Variants in FAM20A observed in about 807,000 individuals in gnomAD.
FAM20A encodes pseudokinase FAM20A.
Under a neutral mutation model 52.0 loss-of-function variants are expected in FAM20A, and 42 were observed. That is an observed-to-expected ratio of 0.81 (90% CI 0.63 to 1.04). The LOEUF is 1.04. FAM20A is among the 50% of genes least tolerant of loss of function. The pLI is 0.00. For synonymous variants in FAM20A, 304 were observed against 298.9 expected (o/e 1.02, Z -0.18); for missense variants, 742 against 712.7 (o/e 1.04, Z -0.47).
intron 1 of FAM20A, among the ~76,000 whole-genome samples, chr17:68,584,337 CAAAACAAAACAA>C (rs151131024): frequency 0.31 from 28,719 of 91,876 alleles, 2,897 homozygotes; most frequent in East Asian, 0.52. Context: ...CAAAACAAAA[CAAAACAAAACAA>C]AAAAAAAACC....
chr17:68,581,461 CCTTTCTTTCTTT>C lies in FAM20A; in HGVS notation c.404+18790_404+18801del, dbSNP rs68182732. Among the ~76,000 whole-genome samples the C allele has an allele frequency of 1.3e-3, 152 of 119,182 alleles. 1 individual carries two copies. The highest frequency in any genetic ancestry group is 3.9e-3 in the African/African-American group (115 of 29,556). The allele number at this position is 119,182 out of a possible 152,430, so 78.2% of individuals were successfully genotyped here. A position where few individuals can be genotyped will look rare whatever the true frequency, so the allele number is the denominator to read the frequency against. ...TTTTCTTTTTTTCTTTTCTTTCTTT[CCTTTCTTTCTTT>C]CTTTCTTTCTTTCTTTTTCTTTCTT... On this transcript the variant is annotated intron_variant, in intron 1 of 10. Coordinates refer to ENST00000592554, the MANE Select transcript of FAM20A (RefSeq NM_017565.4).
At chr17:68,547,430 T>C (rs1344382417) in intron 4 of FAM20A, among the ~76,000 whole-genome samples, 2 of 152,254 alleles carry the variant, frequency 1.3e-5, no homozygotes, top group East Asian at 1.9e-4. Flanking sequence ...CTTCTTCCAA[T>C]AGAAGGCTGT....
rs984185355 is a variant in FAM20A, at chr17:68,537,896, G to A, written c.1362-155C>T. On this transcript the variant is annotated intron_variant, in intron 10 of 10. Coordinates refer to ENST00000592554, the MANE Select transcript of FAM20A (RefSeq NM_017565.4). The surrounding 1 kb of genome is among the most constrained non-coding windows in gnomAD (Gnocchi z 4.2). ...TTTTAATGGAAACCAGGTAAAAAGG[G>A]AACAAATGAAAGGCAAAATCCAGTA... 6.6e-6 allele frequency among the ~76,000 whole-genome samples: 1 copy of A among 152,112 alleles called. No homozygotes were observed. The highest frequency in any genetic ancestry group is 2.4e-5 in the African/African-American group (1 of 41,402).
At chr17:68,598,688 GA>G (rs1346179092) in intron 1 of FAM20A, among the ~76,000 whole-genome samples, 4 of 152,182 alleles carry the variant, frequency 2.6e-5, no homozygotes, top group African/African-American at 9.7e-5. Flanking sequence ...AGTTTGGTGA[GA>G]AAGATTTTTG....
intron 1 of FAM20A, among the ~76,000 whole-genome samples, chr17:68,571,987 C>CATACACACACATAT (rs2087555404): frequency 2.3e-5 from 1 of 43,774 alleles, no homozygotes; most frequent in African/African-American, 6.1e-5. Context: ...TATATACATA[C>CATACACACACATAT]ATATATATAT....
intron 4 of FAM20A, among the ~76,000 whole-genome samples, chr17:68,549,043 G>A (rs1221272891): frequency 6.6e-6 from 1 of 152,090 alleles, no homozygotes; most frequent in Non-Finnish European, 1.5e-5. Flanking sequence ...GCCTGTATTT[G>A]TTTTAACTGA....
intron 3 of FAM20A, among the ~76,000 whole-genome samples, chr17:68,553,398 C>T (rs1372419795): frequency 1.3e-5 from 2 of 152,186 alleles, no homozygotes; most frequent in East Asian, 1.9e-4. Flanking sequence ...TGGACTAATA[C>T]ATTTTGACAC....
chr17:68,537,666 T>TTCTCGCATCACATCGCTGAG lies in FAM20A; in HGVS notation c.1417_1436dup (p.Glu479AspfsTer5). On this transcript the variant is annotated stop_gained and frameshift_variant, in exon 11 of 11. Transcript: ENST00000592554. LOFTEE classifies it low-confidence loss of function (END_TRUNC). This position sits in a 1 kb window ranked among gnomAD's most constrained non-coding sequence, Gnocchi z 4.2. ...GGCTGAGCTGGTCTTCCAGCAGTGATTCTCGCATCACATCGCTGAGTCTGT... is the reference window on the plus strand; with the variant it reads ...GGCTGAGCTGGTCTTCCAGCAGTGATTCTCGCATCACATCGCTGAGTCTCGCATCACATCGCTGAGTCTGT... The TTCTCGCATCACATCGCTGAG allele has an allele frequency of 6.2e-7, 1 of 1,613,886 alleles. No homozygotes were observed. Among genetic ancestry groups the TTCTCGCATCACATCGCTGAG allele is most frequent in the African/African-American group, 1.3e-5 (1 of 75,052 alleles).
rs2015212 is a variant in FAM20A at position 68,540,608 on chromosome 17, C to T, written c.1219+241G>A. 86,196 of 606,694 alleles carry T rather than the reference C, an allele frequency of 0.14. 6,537 individuals are homozygous for T. The highest frequency in any genetic ancestry group is 0.19 in the South Asian group (12,329 of 65,890). The allele number at this position is 606,694 out of a possible 1,614,324, so 37.6% of individuals were successfully genotyped here. On this transcript the variant is annotated intron_variant, in intron 8 of 10. Coordinates refer to ENST00000592554, the MANE Select transcript of FAM20A (RefSeq NM_017565.4). ...TTCCAATCTGACGCCCACTCAGGCC[C>T]GTGGCAGGGTGAGATGCCTGCCTTA...
chr17:68,551,306 A>T (rs1298373052), intron 4 of FAM20A: 2 of 418,508 alleles, frequency 4.8e-6, no homozygotes, highest in East Asian at 3.6e-5. Flanking sequence ...ATATAAATTA[A>T]TGTAAACATG....
chr17:68,596,383 A>G (rs1447119057), intron 1 of FAM20A, among the ~76,000 whole-genome samples: 2 of 152,236 alleles, frequency 1.3e-5, no homozygotes, highest in Non-Finnish European at 2.9e-5. Context: ...TGTCGAGACC[A>G]GAGGGTTACA....
At chr17:68,595,727 A>G (rs1255320390) in intron 1 of FAM20A, among the ~76,000 whole-genome samples, 1 of 152,174 alleles carries the variant, frequency 6.6e-6, no homozygotes, top group Non-Finnish European at 1.5e-5. Context: ...CATGAGTAAG[A>G]ACCTGGACTT....
rs979417839 is a variant in FAM20A, at chr17:68,535,930, ACT to A, written c.*1545_*1546del. The A allele has an allele frequency of 5.3e-5, 24 of 453,946 alleles. No homozygotes were observed. Among genetic ancestry groups the A allele is most frequent in the African/African-American group, 3.8e-4 (19 of 50,072 alleles). The allele number at this position is 453,946 out of a possible 1,614,324, so 28.1% of individuals were successfully genotyped here. ...ACCACTAAATTGTGTGATTTTGCTT[ACT>A]CTCTCTGAGATTTAAAGTTCTTCCA... On this transcript the variant is annotated 3_prime_UTR_variant, in exon 11 of 11. Coordinates refer to ENST00000592554, the MANE Select transcript of FAM20A (RefSeq NM_017565.4).
intron 1 of FAM20A, chr17:68,591,980 T>C (rs1306467852): frequency 6.6e-6 from 1 of 152,228 alleles, no homozygotes; most frequent in African/African-American, 2.4e-5. Context: ...AGAGCCCAGT[T>C]TTAGCTGAAC....
intron 1 of FAM20A, among the ~76,000 whole-genome samples, chr17:68,569,805 A>G (rs373991059): frequency 2.6e-5 from 4 of 152,292 alleles, no homozygotes; most frequent in East Asian, 1.9e-4. Context: ...GGCCTGGGGC[A>G]CACTTTCCTC....
intron 4 of FAM20A, 149 bp downstream of exon 4, chr17:68,551,724 T>TATTATTATTATTATTATTATC (rs34614921): frequency 2.2e-4 from 65 of 293,756 alleles, no homozygotes; most frequent in Middle Eastern, 9.1e-4. Context: ...TTATTATTAT[T>TATTATTATTATTATTATTATC]ATCACCCCAA....
At chr17:68,552,427 C>T (rs1306929729) in intron 3 of FAM20A, among the ~76,000 whole-genome samples, 1 of 152,120 alleles carries the variant, frequency 6.6e-6, no homozygotes, top group Non-Finnish European at 1.5e-5. Flanking sequence ...GTTTATGCCT[C>T]TTTCTACTTA....
chr17:68,558,460 G>A (rs1390055293), intron 1 of FAM20A: 9 of 280,700 alleles, frequency 3.2e-5, no homozygotes, highest in African/African-American at 4.5e-5. Flanking sequence ...GCTTAGCACC[G>A]TCTCCTTGGT....
chr17:68,564,463 C>T (rs1052721426), intron 1 of FAM20A, among the ~76,000 whole-genome samples: 1 of 152,212 alleles, frequency 6.6e-6, no homozygotes, highest in Non-Finnish European at 1.5e-5. Flanking sequence ...TTGCAAGCCA[C>T]TGCAAAATCC....
Sources: gnomAD v4.1 joint callset for allele counts (sites outside exome capture counted in the v4.1 genomes callset) on GRCh38, gnomAD v4.1.1 for gene constraint, Gnocchi (gnomAD v3.1) non-coding constraint, MANE v1.5 for transcripts, NCBI Gene and HGNC (gene_info 2026-07-23, HGNC 2026-07-21) for gene names.